MROH1: variants seen among roughly 807,000 people sequenced by gnomAD.
The protein encoded by MROH1 is maestro heat-like repeat-containing protein family member 1.
A neutral mutation model predicts 116.5 loss-of-function variants in MROH1; 117 were observed. The observed-to-expected ratio is 1.00, with a 90% confidence interval of 0.86 to 1.17. The LOEUF (loss-of-function observed/expected upper bound fraction) is 1.17. Ranked by LOEUF, MROH1 falls within the 50% of genes most tolerant of loss-of-function variation. The probability of loss-of-function intolerance (pLI) is 0.00; values close to 1 mark genes in which losing one functional copy is unlikely to be tolerated. For synonymous variants in MROH1, 921 were observed against 583.9 expected (o/e 1.58, Z -8.32); for missense variants, 1,873 against 1,338.5 (o/e 1.40, Z -6.23).
At position 144,241,289 on chromosome 8, in the gene MROH1, C is replaced by A. The variant is rs1372213458; in HGVS notation, c.2056-106C>A. 11 of 698,964 alleles carry A rather than the reference C, an allele frequency of 1.6e-5. No individual in the cohort carries two copies. In the East Asian group the frequency reaches 3.0e-4, roughly 19 times the overall value. The allele number at this position is 698,964 out of a possible 1,614,324, so 43.3% of individuals were successfully genotyped here. A position where few individuals can be genotyped will look rare whatever the true frequency, so the allele number is the denominator to read the frequency against. On this transcript the variant is annotated intron_variant, in intron 21 of 43. Transcript: ENST00000326134. Reference sequence around the variant, plus strand: ...ATGTGTTGATGTGTGTGCAAGTGTGCGCATGTGTGTACATGTGGGTGTGCC... The same window carrying A: ...ATGTGTTGATGTGTGTGCAAGTGTGAGCATGTGTGTACATGTGGGTGTGCC...
intron 39 of MROH1, 144 bp from the exon 40 acceptor site, chr8:144,260,533 C>T (rs999087699): frequency 2.6e-5 from 19 of 737,232 alleles, no homozygotes; most frequent in Non-Finnish European, 4.4e-5. Flanking sequence ...CTGGGCCTGG[C>T]AGCCCCCACC....
Position 144,260,358 on chromosome 8 carries a change from G to T in MROH1, c.4364G>T (p.Arg1455Leu). ...SGLLHVAIRIRPFFDSEKMEF... is the reference protein window; with the variant it reads ...SGLLHVAIRILPFFDSEKMEF... ...CTGCTGCACGTGGCCATCCGCATCC[G>T]GCCTTTCTTCGACAGTGTAGGCTGG... Residue 1455 changes from arginine to leucine, a missense_variant, in exon 39 of 44, where the codon CGG (arginine) becomes CTG (leucine). Coordinates refer to ENST00000326134, the MANE Select transcript of MROH1 (RefSeq NM_032450.3). 1.4e-6 allele frequency: 1 copy of T among 724,654 alleles called. No homozygotes were observed. Among genetic ancestry groups the T allele is most frequent in the Admixed American group, 1.9e-5 (1 of 52,108 alleles). The allele number at this position is 724,654 out of a possible 1,614,324, so 44.9% of individuals were successfully genotyped here. A position where few individuals can be genotyped will look rare whatever the true frequency, so the allele number is the denominator to read the frequency against.
intron 10 of MROH1, among the ~76,000 whole-genome samples, chr8:144,195,052 A>G (rs1474089909): frequency 3.3e-5 from 5 of 150,882 alleles, no homozygotes; most frequent in African/African-American, 9.8e-5. Flanking sequence ...ATTAACAGCC[A>G]GGTGTCATGG....
At chr8:144,242,871 C>A (rs1250764242) in intron 24 of MROH1, among the ~76,000 whole-genome samples, 1 of 152,070 alleles carries the variant, frequency 6.6e-6, no homozygotes, top group African/African-American at 2.4e-5. Flanking sequence ...GGGCTGTCGC[C>A]CCCCAGGGAG....
intron 14 of MROH1, among the ~76,000 whole-genome samples, chr8:144,233,542 T>TTC (rs1179615118): frequency 6.7e-6 from 1 of 149,050 alleles, no homozygotes; most frequent in Non-Finnish European, 1.5e-5. Context: ...ACCATCCACC[T>TTC]TCTCTCTCTA....
At chr8:144,241,901 C>G (rs1185992153) in intron 22 of MROH1, among the ~76,000 whole-genome samples, 1 of 152,354 alleles carries the variant, frequency 6.6e-6, no homozygotes, top group South Asian at 2.1e-4. Flanking sequence ...GGCCCCCAAC[C>G]CGGCTGTGGT....
chr8:144,194,420 T>A (rs1588066259), intron 10 of MROH1, among the ~76,000 whole-genome samples: 2 of 152,296 alleles, frequency 1.3e-5, no homozygotes, highest in East Asian at 3.9e-4. Context: ...AAAGTATGGA[T>A]ACCCGAACCC....
At chr8:144,239,518 A>C in intron 17 of MROH1, 96 bp from the exon 18 acceptor site, 1 of 759,456 alleles carries the variant, frequency 1.3e-6, no homozygotes, top group East Asian at 2.5e-5. Flanking sequence ...GGGAAGAGCC[A>C]GGCTCCCCGT....
rs781998549 is a variant in MROH1, at chr8:144,234,891, C to CTTTTT, written c.1339-3850_1339-3846dup. Among the ~76,000 whole-genome samples, 229 of 103,524 alleles carry CTTTTT rather than the reference C, an allele frequency of 2.2e-3. 29 individuals are homozygous for CTTTTT. Among genetic ancestry groups the CTTTTT allele is most frequent in the African/African-American group, 7.6e-3 (198 of 26,040 alleles). The allele number at this position is 103,524 out of a possible 152,430, so 67.9% of individuals were successfully genotyped here. A position where few individuals can be genotyped will look rare whatever the true frequency, so the allele number is the denominator to read the frequency against. ...AGAAAAACAATTATCCTTTTTCTTTCTTTTTTTTTTTTTTTTTTTGAGACA... is the reference window on the plus strand; with the variant it reads ...AGAAAAACAATTATCCTTTTTCTTTCTTTTTTTTTTTTTTTTTTTTTTTTGAGACA... On this transcript the variant is annotated intron_variant, in intron 14 of 43. Coordinates refer to ENST00000326134, the MANE Select transcript of MROH1 (RefSeq NM_032450.3).
chr8:144,242,679 T>C, intron 24 of MROH1, 51 bp downstream of exon 24: 1 of 764,302 alleles, frequency 1.3e-6, no homozygotes. Context: ...CTCTCGGCTC[T>C]CCTCTGGGCG....
At chr8:144,210,684 GTCTCTCTCTCTC>G (rs58517848) in intron 12 of MROH1, among the ~76,000 whole-genome samples, 1 of 151,288 alleles carries the variant, frequency 6.6e-6, no homozygotes, top group Non-Finnish European at 1.5e-5. Context: ...TGGAGACTCT[GTCTCTCTCTCTC>G]TCTCTATCTC....
At chr8:144,158,796 GCA>G (rs1230723494) in intron 1 of MROH1, among the ~76,000 whole-genome samples, 1 of 151,830 alleles carries the variant, frequency 6.6e-6, no homozygotes, top group Non-Finnish European at 1.5e-5. Context: ...TGAGGCTGGA[GCA>G]CAGTGGTGTG....
chr8:144,159,892 T>A (rs1162065334), intron 1 of MROH1, among the ~76,000 whole-genome samples: 1 of 151,172 alleles, frequency 6.6e-6, no homozygotes, highest in Non-Finnish European at 1.5e-5. Context: ...CTCAGCCTCC[T>A]GAGTAGCTGG....
chr8:144,180,593 T>C lies in MROH1; in HGVS notation c.562+70T>C. Reference sequence around the variant, plus strand: ...GGGGGGCTGTTCCCGGGCATGCCTGTTTTAGGGGGGACAGGTGGGCACTTT... The same window carrying C: ...GGGGGGCTGTTCCCGGGCATGCCTGCTTTAGGGGGGACAGGTGGGCACTTT... On this transcript the variant is annotated intron_variant, in intron 7 of 43. Transcript: ENST00000326134. The surrounding 1 kb of genome is among the most constrained non-coding windows in gnomAD (Gnocchi z 7.4). 7.1e-7 allele frequency: 1 copy of C among 1,403,096 alleles called. No individual in the cohort carries two copies. The highest frequency in any genetic ancestry group is 9.8e-7 in the Non-Finnish European group (1 of 1,017,860). The allele number at this position is 1,403,096 out of a possible 1,614,324, so 86.9% of individuals were successfully genotyped here.
rs1301152439 is a variant in MROH1 at position 144,220,691 on chromosome 8, GC to G, written c.1215+21del. ...ACAGCAAGGTAAACCACATGGGCCAGCCCAGGCTGCACCACCACACCACAGG... is the reference window on the plus strand; with the variant it reads ...ACAGCAAGGTAAACCACATGGGCCAGCCAGGCTGCACCACCACACCACAGG... On this transcript the variant is annotated intron_variant, in intron 13 of 43. Transcript: ENST00000326134. 1 of 1,559,940 alleles carries G rather than the reference GC, an allele frequency of 6.4e-7. No homozygotes were observed. The highest frequency in any genetic ancestry group is 8.7e-7 in the Non-Finnish European group (1 of 1,151,832).
chr8:144,238,099 G>A (rs913320464), intron 14 of MROH1, among the ~76,000 whole-genome samples: 3 of 151,284 alleles, frequency 2.0e-5, no homozygotes, highest in Non-Finnish European at 4.4e-5. Context: ...TGTATGTTTG[G>A]TATGAAGTTC....
At chr8:144,220,741 G>A in intron 13 of MROH1, 68 bp downstream of exon 13, 3 of 1,421,344 alleles carry the variant, frequency 2.1e-6, no homozygotes, top group Non-Finnish European at 2.9e-6. Context: ...TGGCCAGGCT[G>A]TGCTGTGAGA....
chr8:144,239,571 G>C, intron 17 of MROH1, 43 bp from the exon 18 acceptor site: 3 of 768,246 alleles, frequency 3.9e-6, no homozygotes, highest in Non-Finnish European at 7.3e-6. Context: ...GGCATGACCA[G>C]TGCTCCCTGC....
At chr8:144,225,830 G>A (rs1837681969) in intron 14 of MROH1, among the ~76,000 whole-genome samples, 1 of 151,148 alleles carries the variant, frequency 6.6e-6, no homozygotes, top group African/African-American at 2.4e-5. Context: ...AAAGTGCTGG[G>A]ATTACAGGTG....
Sources: allele counts gnomAD v4.1 joint callset (sites outside exome capture counted in the v4.1 genomes callset), GRCh38; gene constraint gnomAD v4.1.1; non-coding constraint Gnocchi (gnomAD v3.1); transcripts MANE v1.5; gene names NCBI Gene and HGNC (gene_info 2026-07-23, HGNC 2026-07-21).